Variants in PPM1E observed in about 807,000 individuals in gnomAD.
The protein encoded by PPM1E is protein phosphatase, Mg2+/Mn2+ dependent 1E.
A neutral mutation model predicts 65.9 loss-of-function variants in PPM1E; 20 were observed. That is an observed-to-expected ratio of 0.30 (90% CI 0.21 to 0.44). The LOEUF (loss-of-function observed/expected upper bound fraction) is 0.44, where lower values mean the gene tolerates loss of function less well. Ranked by LOEUF, PPM1E falls within the 20% of genes least tolerant of loss-of-function variation. The probability of loss-of-function intolerance (pLI) is 1.00; values close to 1 mark genes in which losing one functional copy is unlikely to be tolerated. For missense variants in PPM1E, 713 were observed against 953.1 expected (o/e 0.75, Z 3.32); for synonymous variants, 352 against 374.9 (o/e 0.94, Z 0.70).
At chr17:58,835,426 G>C (rs137878187) in intron 1 of PPM1E, among the ~76,000 whole-genome samples, 1 of 152,012 alleles carries the variant, frequency 6.6e-6, no homozygotes, top group Non-Finnish European at 1.5e-5. Flanking sequence ...ATTTCTACCC[G>C]AATTTTAATT....
Position 58,982,802 on chromosome 17 carries a change from G to T in PPM1E, c.*1771G>T. ...TCAACATGGCCCCAACTATAGTGCC[G>T]GAACCTTTTCATCATTCTGAGGCTT... On this transcript the variant is annotated 3_prime_UTR_variant, in exon 7 of 7. Coordinates refer to ENST00000308249, the MANE Select transcript of PPM1E (RefSeq NM_014906.5). 1 of 1,042,180 alleles carries T rather than the reference G, an allele frequency of 9.6e-7. No homozygotes were observed. Among genetic ancestry groups the T allele is most frequent in the Non-Finnish European group, 1.4e-6 (1 of 705,376 alleles). 64.6% of individuals were successfully genotyped at this position (1,042,180 alleles called of 1,614,324 possible). A position where few individuals can be genotyped will look rare whatever the true frequency, so the allele number is the denominator to read the frequency against.
chr17:58,973,480 T>C (rs561462395), intron 6 of PPM1E, among the ~76,000 whole-genome samples: 197 of 150,458 alleles, frequency 1.3e-3, no homozygotes, highest in South Asian at 2.9e-3. Context: ...ACATTTAAAA[T>C]TTTATGGAAG....
At chr17:58,969,412 A>T (rs1414688612) in intron 3 of PPM1E, 127 bp from the exon 4 acceptor site, 13 of 889,988 alleles carry the variant, frequency 1.5e-5, no homozygotes, top group Admixed American at 1.9e-5. Context: ...GAAAACATTT[A>T]GTCTCATTAT....
At chr17:58,934,963 C>A (rs2051958329) in intron 1 of PPM1E, among the ~76,000 whole-genome samples, 1 of 148,618 alleles carries the variant, frequency 6.7e-6, no homozygotes, top group African/African-American at 2.5e-5. Context: ...TTAAAAATGG[C>A]TAGACTGGGC....
chr17:58,796,494 T>G (rs973593005), intron 1 of PPM1E, among the ~76,000 whole-genome samples: 2 of 152,346 alleles, frequency 1.3e-5, no homozygotes, highest in Non-Finnish European at 1.5e-5. Context: ...GGTCTCAAAC[T>G]CCTGGGCTCA....
chr17:58,908,411 CT>C (rs1246040012), intron 1 of PPM1E, among the ~76,000 whole-genome samples: 1 of 150,572 alleles, frequency 6.6e-6, no homozygotes, highest in Non-Finnish European at 1.5e-5. Context: ...TCAGTTTCCT[CT>C]TTTTTAGCAT....
At chr17:58,836,154 C>CTG (rs2050653892) in intron 1 of PPM1E, among the ~76,000 whole-genome samples, 1 of 152,086 alleles carries the variant, frequency 6.6e-6, no homozygotes, top group African/African-American at 2.4e-5. Context: ...CAAAACCATC[C>CTG]TGATATACTC....
intron 2 of PPM1E, among the ~76,000 whole-genome samples, chr17:58,956,435 CA>C (rs1157561564): frequency 9.1e-6 from 1 of 110,116 alleles, no homozygotes; most frequent in African/African-American, 3.4e-5. Flanking sequence ...AACTCTGTCT[CA>C]AAAAAAAACA....
At chr17:58,950,130 G>A (rs1292097708) in intron 1 of PPM1E, among the ~76,000 whole-genome samples, 1 of 152,204 alleles carries the variant, frequency 6.6e-6, no homozygotes, top group Non-Finnish European at 1.5e-5. Context: ...GGAAGGCCAA[G>A]GCAGGTGGAT....
At chr17:58,891,154 T>A (rs1045945421) in intron 1 of PPM1E, among the ~76,000 whole-genome samples, 1 of 151,872 alleles carries the variant, frequency 6.6e-6, no homozygotes, top group African/African-American at 2.4e-5. Flanking sequence ...TTAGTAAAGA[T>A]GGGGTTTCTC....
At chr17:58,781,610 A>AT (rs2050050364) in intron 1 of PPM1E, among the ~76,000 whole-genome samples, 1 of 151,466 alleles carries the variant, frequency 6.6e-6, no homozygotes, top group Non-Finnish European at 1.5e-5. Context: ...ATTAACAATG[A>AT]TTTTTTTGGG....
At chr17:58,934,217 T>C (rs1445338608) in intron 1 of PPM1E, among the ~76,000 whole-genome samples, 1 of 152,080 alleles carries the variant, frequency 6.6e-6, no homozygotes, top group Non-Finnish European at 1.5e-5. Context: ...AATAGTACAA[T>C]TTGACTTTTT....
intron 1 of PPM1E, among the ~76,000 whole-genome samples, chr17:58,777,586 A>G (rs1464455983): frequency 6.6e-6 from 1 of 152,198 alleles, no homozygotes; most frequent in African/African-American, 2.4e-5. Flanking sequence ...TTAAAGTATC[A>G]TTTTACCTGT....
chr17:58,920,203 C>T (rs975853390), intron 1 of PPM1E, among the ~76,000 whole-genome samples: 2 of 152,152 alleles, frequency 1.3e-5, no homozygotes, highest in East Asian at 3.9e-4. Flanking sequence ...ACTAAACTTA[C>T]TGTCCTTCCT....
At chr17:58,811,876 G>C (rs1175817085) in intron 1 of PPM1E, among the ~76,000 whole-genome samples, 2 of 151,978 alleles carry the variant, frequency 1.3e-5, no homozygotes, top group Non-Finnish European at 2.9e-5. Context: ...TCACCATGTT[G>C]ATCAGGATGG....
At chr17:58,853,693 T>C (rs527456239) in intron 1 of PPM1E, among the ~76,000 whole-genome samples, 2 of 152,216 alleles carry the variant, frequency 1.3e-5, no homozygotes, top group Non-Finnish European at 2.9e-5. Flanking sequence ...TTGGGTATGA[T>C]GGCACACGTC....
At chr17:58,907,032 C>T (rs959941170) in intron 1 of PPM1E, among the ~76,000 whole-genome samples, 7 of 152,072 alleles carry the variant, frequency 4.6e-5, no homozygotes, top group Non-Finnish European at 7.4e-5. Context: ...GTCAGGAGAT[C>T]GAGACCATCC....
rs535817671 is a variant in PPM1E, at chr17:58,982,832, C to T, written c.*1801C>T. 2 of 1,369,668 alleles carry T rather than the reference C, an allele frequency of 1.5e-6. No individual in the cohort carries two copies. Among genetic ancestry groups the T allele is most frequent in the Admixed American group, 4.0e-5 (2 of 49,776 alleles). 84.8% of individuals were successfully genotyped at this position (1,369,668 alleles called of 1,614,324 possible). On this transcript the variant is annotated 3_prime_UTR_variant, in exon 7 of 7. Transcript: ENST00000308249. ...CTTTTCATCATTCTGAGGCTTTGCC[C>T]CACACATGGTCCTCACTCATATCTG... is the stretch of plus-strand genomic sequence containing the variant.
chr17:58,877,604 T>C (rs2051142589), intron 1 of PPM1E, among the ~76,000 whole-genome samples: 1 of 152,222 alleles, frequency 6.6e-6, no homozygotes, highest in African/African-American at 2.4e-5. Flanking sequence ...TCCACAGAAG[T>C]ATTTTTAATC....
Sources: allele counts gnomAD v4.1 joint callset (sites outside exome capture counted in the v4.1 genomes callset), GRCh38; gene constraint gnomAD v4.1.1; transcripts MANE v1.5; gene names NCBI Gene and HGNC (gene_info 2026-07-23, HGNC 2026-07-21).